Variants in ACADL observed in about 807,000 individuals in gnomAD.
ACADL encodes the protein long-chain specific acyl-CoA dehydrogenase, mitochondrial.
ACADL carries 60 observed loss-of-function variants against 56.9 expected under a neutral mutation model. The ratio of observed to expected loss-of-function variants is 1.05; its 90% confidence interval spans 0.86 to 1.31. The LOEUF is 1.31. Ranked by LOEUF, ACADL falls within the 50% of genes most tolerant of loss-of-function variation. ACADL has a pLI of 0.00. For missense variants in ACADL, 484 were observed against 525.5 expected, an observed-to-expected ratio of 0.92 and a Z score of 0.77; for synonymous variants, 158 against 179.7, an observed-to-expected ratio of 0.88 and a Z score of 0.97.
intron 5 of ACADL, among the ~76,000 whole-genome samples, chr2:210,207,897 C>A (rs1211896778): frequency 6.6e-6 from 1 of 152,096 alleles, no homozygotes; most frequent in Admixed American, 6.6e-5. Context: ...GCTTAGAATT[C>A]TTTTTGGCAC....
At position 210,203,301 on chromosome 2, in the gene ACADL, T is replaced by C. The variant is rs749498544; in HGVS notation, c.984+30A>G. 9 of 1,456,536 alleles carry C rather than the reference T, an allele frequency of 6.2e-6. No individual in the cohort carries two copies. In the Admixed American group the frequency reaches 1.3e-4, roughly 22 times the overall value. The allele number at this position is 1,456,536 out of a possible 1,614,324, so 90.2% of individuals were successfully genotyped here. A position where few individuals can be genotyped will look rare whatever the true frequency, so the allele number is the denominator to read the frequency against. On this transcript the variant is annotated intron_variant, in intron 8 of 10. Coordinates refer to ENST00000233710, the MANE Select transcript of ACADL (RefSeq NM_001608.4). The stretch of plus-strand genomic sequence containing the variant: ...ATTTCAGATTAGTAAACTGATACCA[T>C]CTAATACTAAACCACAGTGACAAGC...
intron 4 of ACADL, 65 bp from the exon 5 acceptor site, chr2:210,210,327 A>G: frequency 8.3e-7 from 1 of 1,206,072 alleles, no homozygotes; most frequent in Non-Finnish European, 1.2e-6. Context: ...CAAATGATAT[A>G]AGTATGTATG....
chr2:210,205,268 C>T (rs1275399729), intron 6 of ACADL, among the ~76,000 whole-genome samples: 3 of 152,116 alleles, frequency 2.0e-5, no homozygotes, highest in East Asian at 3.9e-4. Context: ...TCAGGTGATC[C>T]GCTGGCCTCA....
intron 8 of ACADL, among the ~76,000 whole-genome samples, chr2:210,195,608 A>T (rs1688698168): frequency 6.6e-6 from 1 of 152,238 alleles, no homozygotes. Context: ...TAAAATTTAG[A>T]CGAGGCAAAA....
At position 210,188,963 on chromosome 2, in the gene ACADL, A is replaced by G. The variant is rs758373054; in HGVS notation, c.1291T>C (p.Ter431GlnextTer12). The change falls in exon 11 of 11, where the codon TAG becomes CAG. Residue 431 changes from the stop codon to glutamine (Q), a stop_lost. Coordinates refer to ENST00000233710, the MANE Select transcript of ACADL (RefSeq NM_001608.4). ...LIAREIVFDK[*>Q] ...GACTCCAGGATGTGGGCAGATGTCT[A>G]CTTGTCAAAGACAATCTCTCTTGCA... 6 of 1,609,018 alleles carry G rather than the reference A, an allele frequency of 3.7e-6. No individual in the cohort carries two copies. The highest frequency in any genetic ancestry group is 5.1e-6 in the Non-Finnish European group (6 of 1,175,648).
intron 3 of ACADL, among the ~76,000 whole-genome samples, chr2:210,216,891 T>TA (rs1689095881): frequency 7.5e-6 from 1 of 133,530 alleles, no homozygotes; most frequent in Admixed American, 7.3e-5. Context: ...AGAACAAAAA[T>TA]AAAAAATAAA....
chr2:210,204,199 C>G (rs1412668225), intron 7 of ACADL, among the ~76,000 whole-genome samples: 1 of 152,146 alleles, frequency 6.6e-6, no homozygotes, highest in African/African-American at 2.4e-5. Context: ...GAATTTTATA[C>G]TTTTCCCTTT....
At chr2:210,195,109 A>G (rs1688686030) in intron 9 of ACADL, 102 bp downstream of exon 9, 1 of 1,473,006 alleles carries the variant, frequency 6.8e-7, no homozygotes. Context: ...TTTTCATTTC[A>G]CAGATTTCTT....
chr2:210,210,329 G>A, intron 4 of ACADL, 67 bp from the exon 5 acceptor site: 1 of 1,183,554 alleles, frequency 8.4e-7, no homozygotes, highest in Non-Finnish European at 1.2e-6. Context: ...AATGATATAA[G>A]TATGTATGTA....
At chr2:210,199,957 T>C (rs1052780928) in intron 8 of ACADL, among the ~76,000 whole-genome samples, 6 of 152,026 alleles carry the variant, frequency 3.9e-5, no homozygotes, top group African/African-American at 1.4e-4. Flanking sequence ...GTTGTCCAGG[T>C]TGGTCTCAAA....
chr2:210,222,508 CAAAA>C (rs797000679), intron 1 of ACADL, among the ~76,000 whole-genome samples: 17 of 81,370 alleles, frequency 2.1e-4, no homozygotes, highest in African/African-American at 5.0e-4. Flanking sequence ...AACAAACAAA[CAAAA>C]AAAAAAAAAA....
chr2:210,197,202 T>C (rs1467373059), intron 8 of ACADL, among the ~76,000 whole-genome samples: 1 of 152,112 alleles, frequency 6.6e-6, no homozygotes, highest in Non-Finnish European at 1.5e-5. Flanking sequence ...CCTGGTTTTA[T>C]TTCACCCTGT....
intron 2 of ACADL, 57 bp from the exon 3 acceptor site, chr2:210,218,159 A>G (rs1689119772): frequency 2.0e-6 from 3 of 1,464,910 alleles, no homozygotes; most frequent in Admixed American, 1.9e-5. Flanking sequence ...TTAAATGGCC[A>G]CAACTTTGAA....
In ACADL at chr2:210,218,064, T is replaced by C. The variant is rs1319500123; in HGVS notation, c.272A>G (p.Glu91Gly). 3.7e-6 allele frequency: 6 copies of C among 1,614,014 alleles called. 1 individual carries two copies. The highest frequency in any genetic ancestry group is 2.2e-5 in the South Asian group (2 of 91,078). ...KAGEVSREVW[E>G]KAGKQGLLGV... Reference sequence around the variant, plus strand: ...AAGCAGTCCTTGTTTTCCAGCTTTTTCCCAAACCTCCCTACTTACTTCTCC... The same window carrying C: ...AAGCAGTCCTTGTTTTCCAGCTTTTCCCCAAACCTCCCTACTTACTTCTCC... Residue 91 changes from glutamate (E) to glycine (G), a missense_variant, in exon 3 of 11, where the codon GAA becomes GGA. By Grantham distance (98) the Glu-to-Gly change is moderately conservative. Transcript: ENST00000233710.
chr2:210,206,373 G>C, intron 5 of ACADL, among the ~76,000 whole-genome samples: 1 of 152,122 alleles, frequency 6.6e-6, no homozygotes, highest in East Asian at 1.9e-4. Context: ...TGAGGTTACA[G>C]TGAGTTATGA....
rs1688575543 is a variant in ACADL, at chr2:210,188,121, G to C, written c.*840C>G. ...CACTTATTTTTTAGTGATCTTGCCA[G>C]TTTTGTTTGTCATCATTGTATTAAC... On this transcript the variant is annotated 3_prime_UTR_variant, in exon 11 of 11. Coordinates refer to ENST00000233710, the MANE Select transcript of ACADL (RefSeq NM_001608.4). 6.6e-6 allele frequency: 1 copy of C among 152,112 alleles called. No individual in the cohort carries two copies. Among genetic ancestry groups the C allele is most frequent in the East Asian group, 1.9e-4 (1 of 5,184 alleles). The allele number at this position is 152,112 out of a possible 1,614,324, so 9.4% of individuals were successfully genotyped here. A position where few individuals can be genotyped will look rare whatever the true frequency, so the allele number is the denominator to read the frequency against.
chr2:210,191,362 G>T (rs1180764925), intron 10 of ACADL, among the ~76,000 whole-genome samples: 1 of 152,126 alleles, frequency 6.6e-6, no homozygotes, highest in African/African-American at 2.4e-5. Context: ...TGAAACCAGA[G>T]ATTTCAAATA....
At chr2:210,194,552 C>T (rs185442755) in intron 9 of ACADL, among the ~76,000 whole-genome samples, 4 of 152,222 alleles carry the variant, frequency 2.6e-5, no homozygotes, top group African/African-American at 9.6e-5. Flanking sequence ...ATCTTTAACA[C>T]CATTGCTAAT....
chr2:210,196,816 G>A (rs1389594296), intron 8 of ACADL, among the ~76,000 whole-genome samples: 1 of 152,174 alleles, frequency 6.6e-6, no homozygotes, highest in South Asian at 2.1e-4. Flanking sequence ...TACATGGAAA[G>A]TTACAGGCAA....
Sources: allele counts gnomAD v4.1 joint callset (sites outside exome capture counted in the v4.1 genomes callset), GRCh38; gene constraint gnomAD v4.1.1; transcripts MANE v1.5; gene names NCBI Gene and HGNC (gene_info 2026-07-23, HGNC 2026-07-21).